The following PLD5 variants were observed in gnomAD, a reference collection of about 807,000 sequenced individuals.
PLD5 encodes inactive phospholipase D5.
A neutral mutation model predicts 61.1 loss-of-function variants in PLD5; 36 were observed. The observed-to-expected ratio is 0.59, with a 90% confidence interval of 0.45 to 0.78. The LOEUF (loss-of-function observed/expected upper bound fraction) is 0.78. Ranked by LOEUF, PLD5 falls within the 30% of genes least tolerant of loss-of-function variation. The pLI is 0.00. For synonymous variants in PLD5, 243 were observed against 242.8 expected, an observed-to-expected ratio of 1.00 and a Z score of -0.01; for missense variants, 515 against 644.4, an observed-to-expected ratio of 0.80 and a Z score of 2.17.
intron 1 of PLD5, among the ~76,000 whole-genome samples, chr1:242,517,341 G>A (rs574864623): frequency 1.3e-4 from 20 of 152,230 alleles, no homozygotes; most frequent in East Asian, 1.2e-3. Flanking sequence ...ATGGTTTATC[G>A]GAATAGTAAT....
intron 6 of PLD5, 34 bp downstream of exon 6, chr1:242,124,434 A>G (rs1335098263): frequency 2.5e-6 from 4 of 1,584,562 alleles, no homozygotes; most frequent in African/African-American, 2.7e-5. Flanking sequence ...TGGAGGAAGA[A>G]GGAGAAGGGG....
intron 1 of PLD5, among the ~76,000 whole-genome samples, chr1:242,521,948 AAAC>A (rs1316490373): frequency 1.3e-5 from 2 of 148,148 alleles, no homozygotes; most frequent in Admixed American, 1.4e-4. Context: ...CGTATATTAT[AAAC>A]AACTAGCTCT....
At chr1:242,475,552 G>A (rs921078352) in intron 1 of PLD5, among the ~76,000 whole-genome samples, 4 of 151,636 alleles carry the variant, frequency 2.6e-5, no homozygotes, top group Non-Finnish European at 5.9e-5. Flanking sequence ...AAGATATCCC[G>A]CCCAAAACAG....
intron 1 of PLD5, among the ~76,000 whole-genome samples, chr1:242,422,795 C>T (rs1665216209): frequency 6.6e-6 from 1 of 151,792 alleles, no homozygotes; most frequent in East Asian, 1.9e-4. Context: ...GCTGAAGTTC[C>T]TGCCCACATT....
intron 2 of PLD5, among the ~76,000 whole-genome samples, chr1:242,306,740 AACACACACACACACACACACACAC>A (rs34083497): frequency 9.9e-5 from 14 of 141,120 alleles, no homozygotes; most frequent in Non-Finnish European, 1.1e-4. Context: ...AATTTATTAA[AACACACACACACACACACACACAC>A]ACACACACAC....
Position 242,151,791 on chromosome 1 carries a change from T to C in PLD5, c.736-27126A>G, listed in dbSNP as rs186469841. Among the ~76,000 whole-genome samples the C allele has an allele frequency of 2.6e-3, 394 of 152,202 alleles. 4 individuals carry two copies. The highest frequency in any genetic ancestry group is 9.1e-3 in the African/African-American group (377 of 41,530). On this transcript the variant is annotated intron_variant, in intron 5 of 9. Coordinates refer to ENST00000536534, the MANE Select transcript of PLD5 (RefSeq NM_001372062.1). Reference sequence around the variant, plus strand: ...TACATAAATTTTAATCCTTTTTACATTGTCTTTCAGCTTTGAATTCTGTTC... The same window carrying C: ...TACATAAATTTTAATCCTTTTTACACTGTCTTTCAGCTTTGAATTCTGTTC...
intron 1 of PLD5, among the ~76,000 whole-genome samples, chr1:242,357,990 ATTCT>A (rs1326752959): frequency 4.0e-5 from 6 of 151,362 alleles, no homozygotes; most frequent in African/African-American, 1.2e-4. Context: ...GAGTTCATTC[ATTCT>A]TTCTTCAGTT....
intron 1 of PLD5, among the ~76,000 whole-genome samples, chr1:242,426,521 A>G (rs1226873937): frequency 1.3e-5 from 2 of 152,182 alleles, no homozygotes; most frequent in African/African-American, 4.8e-5. Flanking sequence ...TGAGTAATGC[A>G]TTGCACCACC....
intron 1 of PLD5, among the ~76,000 whole-genome samples, chr1:242,434,350 G>A (rs371932088): frequency 2.0e-5 from 3 of 152,310 alleles, no homozygotes; most frequent in African/African-American, 7.2e-5. Flanking sequence ...AGAGAGAGTT[G>A]TTATTTACTG....
At chr1:242,493,891 A>T (rs1005654855) in intron 1 of PLD5, among the ~76,000 whole-genome samples, 3 of 152,192 alleles carry the variant, frequency 2.0e-5, no homozygotes, top group African/African-American at 7.2e-5. Context: ...TGACTGCAAA[A>T]ATCCCTTCTC....
intron 1 of PLD5, among the ~76,000 whole-genome samples, chr1:242,460,775 A>G (rs1667093205): frequency 6.6e-6 from 1 of 152,120 alleles, no homozygotes; most frequent in Non-Finnish European, 1.5e-5. Flanking sequence ...AATCATGCAC[A>G]AGTCTCTTCA....
intron 1 of PLD5, among the ~76,000 whole-genome samples, chr1:242,408,293 T>A (rs1242504829): frequency 6.6e-6 from 1 of 152,096 alleles, no homozygotes; most frequent in East Asian, 1.9e-4. Flanking sequence ...CAGAGAAAGG[T>A]GTTAATAATT....
At chr1:242,141,457 A>G (rs992760611) in intron 5 of PLD5, among the ~76,000 whole-genome samples, 1 of 152,110 alleles carries the variant, frequency 6.6e-6, no homozygotes, top group Non-Finnish European at 1.5e-5. Flanking sequence ...TTCTGACTCC[A>G]TTGAATACTT....
chr1:242,368,236 G>C (rs181190294), intron 1 of PLD5, among the ~76,000 whole-genome samples: 2 of 152,036 alleles, frequency 1.3e-5, no homozygotes, highest in African/African-American at 4.8e-5. Context: ...CCTTGCTCCC[G>C]TATTCACCCT....
chr1:242,291,759 A>G lies in PLD5; in HGVS notation c.327-3229T>C, dbSNP rs1574677209. On this transcript the variant is annotated intron_variant, in intron 2 of 9. Transcript: ENST00000536534. Reference sequence around the variant, plus strand: ...GAGGTGGAGCTTGCAGTGAACCGAGATTGTACCACTGCACTCCAGCCTGGG... The same window carrying G: ...GAGGTGGAGCTTGCAGTGAACCGAGGTTGTACCACTGCACTCCAGCCTGGG... Among the ~76,000 whole-genome samples, 3 of 152,252 alleles carry G rather than the reference A, an allele frequency of 2.0e-5. No homozygotes were observed. The South Asian group carries it at 6.2e-4, about 32-fold the overall frequency.
At chr1:242,434,958 C>T (rs61845900) in intron 1 of PLD5, among the ~76,000 whole-genome samples, 2 of 152,084 alleles carry the variant, frequency 1.3e-5, no homozygotes, top group Non-Finnish European at 2.9e-5. Flanking sequence ...TGGTGGTTTG[C>T]AGCATCTATC....
intron 1 of PLD5, among the ~76,000 whole-genome samples, chr1:242,394,453 A>T (rs111206204): frequency 0.018 from 1,057 of 57,198 alleles, 193 homozygotes; most frequent in African/African-American, 0.058. Context: ...TGTGTATATG[A>T]GTATATATGT....
intron 4 of PLD5, among the ~76,000 whole-genome samples, chr1:242,257,085 A>ATCT (rs1558403887): frequency 2.3e-5 from 2 of 86,508 alleles, no homozygotes; most frequent in Non-Finnish European, 4.9e-5. Flanking sequence ...TCTATCTATC[A>ATCT]TTTATCTATA....
chr1:242,504,765 A>T (rs76845139), intron 1 of PLD5, among the ~76,000 whole-genome samples: 5,279 of 151,962 alleles, frequency 0.035, 167 homozygotes, highest in African/African-American at 0.081. Context: ...TTTCCCAAAT[A>T]TTTTTTTTTA....
Sources: allele counts gnomAD v4.1 joint callset (sites outside exome capture counted in the v4.1 genomes callset), GRCh38; gene constraint gnomAD v4.1.1; transcripts MANE v1.5; gene names NCBI Gene and HGNC (gene_info 2026-07-23, HGNC 2026-07-21).